The following ZBTB20 variants were observed in gnomAD, a reference collection of about 807,000 sequenced individuals.
ZBTB20 encodes the protein zinc finger and BTB domain-containing protein 20.
A neutral mutation model predicts 56.9 loss-of-function variants in ZBTB20; 9 were observed. That is an observed-to-expected ratio of 0.16 (90% CI 0.10 to 0.28). The LOEUF is 0.28. Among genes scored for constraint, ZBTB20 ranks in the 10% least tolerant of loss-of-function variants. The pLI is 1.00. For synonymous variants in ZBTB20, 417 were observed against 420.7 expected, an observed-to-expected ratio of 0.99 and a Z score of 0.11; for missense variants, 655 against 1,003.0, an observed-to-expected ratio of 0.65 and a Z score of 4.69.
intron 1 of ZBTB20, 140 bp downstream of exon 1, chr3:115,147,079 A>G (rs547722227): frequency 3.9e-5 from 2 of 50,974 alleles, no homozygotes; most frequent in Admixed American, 3.9e-4. Flanking sequence ...TCGCTCCCCC[A>G]ACCCCACCCC....
chr3:114,661,413 G>A (rs1280151457), intron 6 of ZBTB20, among the ~76,000 whole-genome samples: 1 of 152,122 alleles, frequency 6.6e-6, no homozygotes. Context: ...CCTTTTCAGA[G>A]CCAATTCAAG....
chr3:114,971,294 G>A (rs147675834), intron 3 of ZBTB20, among the ~76,000 whole-genome samples: 44 of 152,320 alleles, frequency 2.9e-4, no homozygotes, highest in African/African-American at 1.0e-3. Context: ...TGAAGATTCT[G>A]TGTAAGGTTG....
chr3:114,851,169 T>C (rs1202047322), intron 4 of ZBTB20, among the ~76,000 whole-genome samples: 2 of 152,148 alleles, frequency 1.3e-5, no homozygotes, highest in African/African-American at 4.8e-5. Context: ...TATCTACTCA[T>C]GCAAGAAAAA....
chr3:114,871,112 T>C (rs2075991376), intron 4 of ZBTB20, among the ~76,000 whole-genome samples: 1 of 152,138 alleles, frequency 6.6e-6, no homozygotes. Context: ...ACTACTGACA[T>C]GAAATTAACC....
At chr3:114,594,099 G>A (rs1365975436) in intron 6 of ZBTB20, among the ~76,000 whole-genome samples, 3 of 152,108 alleles carry the variant, frequency 2.0e-5, no homozygotes, top group East Asian at 1.9e-4. Flanking sequence ...GAAAGCTGAG[G>A]AAGTTGCTAG....
At chr3:115,083,422 T>C (rs2082867508) in intron 1 of ZBTB20, among the ~76,000 whole-genome samples, 1 of 151,950 alleles carries the variant, frequency 6.6e-6, no homozygotes, top group South Asian at 2.1e-4. Context: ...ACAAAGAAAA[T>C]ACCAAAAAAG....
intron 1 of ZBTB20, among the ~76,000 whole-genome samples, chr3:115,103,519 C>G (rs1041384048): frequency 6.6e-6 from 1 of 152,094 alleles, no homozygotes; most frequent in African/African-American, 2.4e-5. Context: ...ATCAGTGCAA[C>G]AAAATAGACA....
intron 6 of ZBTB20, among the ~76,000 whole-genome samples, chr3:114,537,749 A>G (rs952664317): frequency 6.6e-6 from 1 of 152,208 alleles, no homozygotes; most frequent in Non-Finnish European, 1.5e-5. Context: ...ATGCCCATCA[A>G]TGATAGACTG....
chr3:115,036,967 T>TGTGAA (rs1376857172), intron 2 of ZBTB20, among the ~76,000 whole-genome samples: 1 of 152,148 alleles, frequency 6.6e-6, no homozygotes, highest in Non-Finnish European at 1.5e-5. Context: ...CAGAGGAAGC[T>TGTGAA]TACAATGAAA....
intron 5 of ZBTB20, among the ~76,000 whole-genome samples, chr3:114,790,871 C>T: frequency 6.6e-6 from 1 of 151,718 alleles, no homozygotes; most frequent in East Asian, 1.9e-4. Flanking sequence ...ATATCACTAG[C>T]AATTCATTCT....
chr3:114,914,699 C>T (rs1458754182), intron 3 of ZBTB20, among the ~76,000 whole-genome samples: 3 of 151,724 alleles, frequency 2.0e-5, no homozygotes, highest in Non-Finnish European at 4.4e-5. Flanking sequence ...AGCTGTGGGT[C>T]TGTTGTATGT....
At chr3:114,422,788 G>A (rs773240768) in intron 7 of ZBTB20, among the ~76,000 whole-genome samples, 5 of 152,068 alleles carry the variant, frequency 3.3e-5, no homozygotes, top group Admixed American at 6.6e-5. Context: ...TTTCTCATTT[G>A]GGGAGAATGA....
chr3:115,015,184 C>CA (rs1223343934), intron 2 of ZBTB20, among the ~76,000 whole-genome samples: 5 of 151,430 alleles, frequency 3.3e-5, no homozygotes, highest in East Asian at 3.9e-4. Context: ...AATAGTTATA[C>CA]AAAAAAACAT....
intron 3 of ZBTB20, among the ~76,000 whole-genome samples, chr3:114,970,505 C>T (rs2077828149): frequency 6.6e-6 from 1 of 152,278 alleles, no homozygotes; most frequent in African/African-American, 2.4e-5. Flanking sequence ...TTTCTGCTTG[C>T]TTCATTTATT....
chr3:114,515,453 T>C (rs1356125486), intron 6 of ZBTB20, among the ~76,000 whole-genome samples: 1 of 152,204 alleles, frequency 6.6e-6, no homozygotes, highest in African/African-American at 2.4e-5. Context: ...CACAAAACTG[T>C]ACAGCTTGAT....
chr3:114,990,541 A>C (rs1464690787), intron 2 of ZBTB20, among the ~76,000 whole-genome samples: 2 of 152,112 alleles, frequency 1.3e-5, no homozygotes, highest in Admixed American at 1.3e-4. Context: ...CGATGTTTTC[A>C]TCAGGGATAT....
intron 4 of ZBTB20, among the ~76,000 whole-genome samples, chr3:114,845,520 C>A (rs1329127424): frequency 6.6e-6 from 1 of 151,524 alleles, no homozygotes; most frequent in South Asian, 2.1e-4. Context: ...TCACCTCGCC[C>A]GTGACTCAAG....
intron 7 of ZBTB20, among the ~76,000 whole-genome samples, chr3:114,484,518 A>G (rs930992266): frequency 6.6e-6 from 1 of 152,190 alleles, no homozygotes; most frequent in African/African-American, 2.4e-5. Flanking sequence ...GAGAAAAATG[A>G]GTGTTCATGG....
At chr3:114,911,961 A>G (rs981969588) in intron 3 of ZBTB20, among the ~76,000 whole-genome samples, 1 of 151,102 alleles carries the variant, frequency 6.6e-6, no homozygotes. Context: ...GCTCTAAGAC[A>G]TATTATAACC....
Sources: gnomAD v4.1 joint callset for allele counts (sites outside exome capture counted in the v4.1 genomes callset) on GRCh38, gnomAD v4.1.1 for gene constraint, MANE v1.5 for transcripts, NCBI Gene and HGNC (gene_info 2026-07-23, HGNC 2026-07-21) for gene names.